The following CTNNAL1 variants were observed in gnomAD, a reference collection of about 807,000 sequenced individuals.
The protein encoded by CTNNAL1 is alpha-catulin.
In CTNNAL1, 69 loss-of-function variants were observed where a neutral mutation model predicts 93.6. The observed-to-expected ratio is 0.74, with a 90% CI of 0.61 to 0.90. CTNNAL1 has a LOEUF of 0.90. Ranked by LOEUF, CTNNAL1 falls within the 40% of genes least tolerant of loss-of-function variation. CTNNAL1 has a pLI of 0.00. For synonymous variants in CTNNAL1, 286 were observed against 305.4 expected (o/e 0.94, Z 0.66); for missense variants, 836 against 862.0 (o/e 0.97, Z 0.38).
chr9:108,988,485 T>C (rs1416423941), intron 4 of CTNNAL1, among the ~76,000 whole-genome samples: 1 of 152,198 alleles, frequency 6.6e-6, no homozygotes, highest in African/African-American at 2.4e-5. Flanking sequence ...TGCCCTTGTC[T>C]CCATGCAAAC....
In CTNNAL1 at chr9:108,951,168, G is replaced by A. The variant is rs183905554; in HGVS notation, c.1835+1041C>T. Among the ~76,000 whole-genome samples, 388 of 150,066 alleles carry A rather than the reference G, an allele frequency of 2.6e-3. 3 individuals are homozygous for A. Among genetic ancestry groups the A allele is most frequent in the African/African-American group, 8.7e-3 (357 of 40,918 alleles). ...TGGGATTACAGGCGCCCGCCACCAC[G>A]CCCGGCTAACTTTTTTTTTTTTTTT... On this transcript the variant is annotated intron_variant, in intron 14 of 18. Coordinates refer to ENST00000325551, the MANE Select transcript of CTNNAL1 (RefSeq NM_003798.4).
chr9:108,948,660 T>C (rs1830473115), intron 14 of CTNNAL1, among the ~76,000 whole-genome samples: 1 of 152,242 alleles, frequency 6.6e-6, no homozygotes, highest in African/African-American at 2.4e-5. Context: ...CTCAGTTATC[T>C]AACCTTGATG....
intron 6 of CTNNAL1, among the ~76,000 whole-genome samples, chr9:108,982,069 G>T (rs1294435653): frequency 6.6e-6 from 1 of 152,076 alleles, no homozygotes; most frequent in African/African-American, 2.4e-5. Flanking sequence ...GTTAAAGGAG[G>T]GCATTGTACT....
intron 12 of CTNNAL1, among the ~76,000 whole-genome samples, chr9:108,955,300 T>C (rs1417559656): frequency 6.6e-6 from 1 of 152,126 alleles, no homozygotes; most frequent in Non-Finnish European, 1.5e-5. Flanking sequence ...ATTTCCAATA[T>C]TTTTGTCCCC....
intron 1 of CTNNAL1, among the ~76,000 whole-genome samples, chr9:109,001,991 G>C (rs73527204): frequency 3.3e-5 from 5 of 152,142 alleles, no homozygotes; most frequent in African/African-American, 1.2e-4. Flanking sequence ...CTGTAAAATC[G>C]GGCAGTGAAA....
chr9:108,949,358 A>G (rs1830493545), intron 14 of CTNNAL1, among the ~76,000 whole-genome samples: 1 of 152,212 alleles, frequency 6.6e-6, no homozygotes. Flanking sequence ...AATACTGAGC[A>G]TGCCATCCTG....
At chr9:108,970,367 C>A in intron 10 of CTNNAL1, 35 bp downstream of exon 10, 1 of 1,583,448 alleles carries the variant, frequency 6.3e-7, no homozygotes, top group Non-Finnish European at 8.6e-7. Context: ...TCAGATAGGA[C>A]ACAATACAGA....
chr9:108,999,184 C>T lies in CTNNAL1; in HGVS notation c.214G>A (p.Gly72Arg), dbSNP rs1832134046. 6.2e-7 allele frequency: 1 copy of T among 1,613,420 alleles called. No homozygotes were observed. The highest frequency in any genetic ancestry group is 1.1e-5 in the South Asian group (1 of 90,918). Residue 72 changes from glycine to arginine, a missense_variant, in exon 2 of 19, where the codon GGA (glycine) becomes AGA (arginine). By Grantham distance (125) the Gly-to-Arg change is moderately radical. Transcript: ENST00000325551. ...CCAACTGCCAAGTTGACAGCTTGTC[C>T]TACACGCTGAATTGCTTGCAGAGTT... is the stretch of plus-strand genomic sequence containing the variant. ...DKTLQAIQRV[G>R]QAVNLAVGRF...
At chr9:108,969,064 G>C (rs1831036707) in intron 10 of CTNNAL1, among the ~76,000 whole-genome samples, 1 of 152,090 alleles carries the variant, frequency 6.6e-6, no homozygotes, top group African/African-American at 2.4e-5. Flanking sequence ...GAGGTCAGGG[G>C]TTTCAGACCA....
At chr9:108,942,858 T>C in intron 18 of CTNNAL1, 24 bp from the exon 19 acceptor site, 2 of 1,613,142 alleles carry the variant, frequency 1.2e-6, no homozygotes, top group African/African-American at 1.3e-5. Context: ...AGACAATTAG[T>C]ATCTGGTTTC....
At chr9:108,977,588 A>AT (rs1564135375) in intron 7 of CTNNAL1, among the ~76,000 whole-genome samples, 1 of 152,140 alleles carries the variant, frequency 6.6e-6, no homozygotes, top group Non-Finnish European at 1.5e-5. Context: ...ACCATCTGGA[A>AT]TTTTTTATTT....
chr9:108,989,205 C>G (rs1831707930), intron 4 of CTNNAL1, among the ~76,000 whole-genome samples: 1 of 152,076 alleles, frequency 6.6e-6, no homozygotes, highest in South Asian at 2.1e-4. Context: ...GAAGAGGATC[C>G]TGTAGGAAGT....
At chr9:108,950,692 C>A in intron 14 of CTNNAL1, 4 of 1,437,350 alleles carry the variant, frequency 2.8e-6, no homozygotes, top group Non-Finnish European at 3.7e-6. Context: ...GGATGCTCAT[C>A]TTTTCAGTCT....
In CTNNAL1 at chr9:108,984,332, C is replaced by A. The variant is rs1042477083; in HGVS notation, c.729+15G>T. The A allele has an allele frequency of 1.3e-5, 19 of 1,509,794 alleles. No homozygotes were observed. Among genetic ancestry groups the A allele is most frequent in the Non-Finnish European group, 1.6e-5 (17 of 1,090,008 alleles). The allele number at this position is 1,509,794 out of a possible 1,614,324, so 93.5% of individuals were successfully genotyped here. A position where few individuals can be genotyped will look rare whatever the true frequency, so the allele number is the denominator to read the frequency against. ...ATTATTAATTTATTACACAGTAAAACCAAAATTGTCTTACCTTTGAAGCTG... is the reference window on the plus strand; with the variant it reads ...ATTATTAATTTATTACACAGTAAAAACAAAATTGTCTTACCTTTGAAGCTG... On this transcript the variant is annotated intron_variant, in intron 5 of 18. Coordinates refer to ENST00000325551, the MANE Select transcript of CTNNAL1 (RefSeq NM_003798.4).
At position 108,942,640 on chromosome 9, in the gene CTNNAL1, A is replaced by G. The variant is rs1043582213; in HGVS notation, c.*129T>C. On this transcript the variant is annotated 3_prime_UTR_variant, in exon 19 of 19. Transcript: ENST00000325551. ...TTACAATCAGTTTCATGATCAGAAA[A>G]TAGAGCAAAATTTCAATATTGTTTT... is the stretch of plus-strand genomic sequence containing the variant. 7.3e-6 allele frequency: 5 copies of G among 684,042 alleles called. No homozygotes were observed. The highest frequency in any genetic ancestry group is 1.2e-5 in the Non-Finnish European group (5 of 408,542). 42.4% of individuals were successfully genotyped at this position (684,042 alleles called of 1,614,324 possible).
intron 8 of CTNNAL1, among the ~76,000 whole-genome samples, chr9:108,976,577 C>G (rs937877298): frequency 1.3e-5 from 2 of 151,806 alleles, no homozygotes; most frequent in African/African-American, 4.8e-5. Flanking sequence ...GGCACCCAGG[C>G]TGAAGTGCAG....
chr9:108,955,735 A>G, intron 12 of CTNNAL1, 55 bp downstream of exon 12: 1 of 1,451,354 alleles, frequency 6.9e-7, no homozygotes, highest in Non-Finnish European at 9.6e-7. Context: ...CAACAAGAGC[A>G]TAATTTGAAT....
intron 11 of CTNNAL1, among the ~76,000 whole-genome samples, chr9:108,957,340 A>T (rs1830711705): frequency 6.6e-6 from 1 of 151,948 alleles, no homozygotes; most frequent in African/African-American, 2.4e-5. Context: ...GATGGTCTCA[A>T]ACTCCTTGGG....
At chr9:108,953,304 A>G (rs949688916) in intron 12 of CTNNAL1, among the ~76,000 whole-genome samples, 2 of 152,156 alleles carry the variant, frequency 1.3e-5, no homozygotes, top group Admixed American at 1.3e-4. Context: ...ATATATTCCG[A>G]AGTTCTCTGG....
Sources: gnomAD v4.1 joint callset for allele counts (sites outside exome capture counted in the v4.1 genomes callset) on GRCh38, gnomAD v4.1.1 for gene constraint, MANE v1.5 for transcripts, NCBI Gene and HGNC (gene_info 2026-07-23, HGNC 2026-07-21) for gene names.